The following CDH1 variants were observed in gnomAD, a reference collection of about 807,000 sequenced individuals.
CDH1 encodes the protein cadherin-1.
A neutral mutation model predicts 84.5 loss-of-function variants in CDH1; 35 were observed. The observed-to-expected ratio is 0.41, with a 90% confidence interval of 0.32 to 0.55. CDH1 has a LOEUF of 0.55. CDH1 is among the 20% of genes least tolerant of loss of function. CDH1 has a pLI of 0.19. For synonymous variants in CDH1, 417 were observed against 439.0 expected (o/e 0.95, Z 0.63); for missense variants, 994 against 1,126.6 (o/e 0.88, Z 1.68).
chr16:68,743,157 GT>G (rs1962610955), intron 2 of CDH1, among the ~76,000 whole-genome samples: 1 of 152,100 alleles, frequency 6.6e-6, no homozygotes, highest in Non-Finnish European at 1.5e-5. Flanking sequence ...CCTTGTGTCT[GT>G]TACACATTCC....
At chr16:68,762,560 G>C (rs918917346) in intron 2 of CDH1, among the ~76,000 whole-genome samples, 2 of 152,132 alleles carry the variant, frequency 1.3e-5, no homozygotes, top group African/African-American at 4.8e-5. Flanking sequence ...GAGGAAGCCA[G>C]ATTCCTAAAA....
chr16:68,743,335 C>CT (rs1385088769), intron 2 of CDH1, among the ~76,000 whole-genome samples: 7 of 25,666 alleles, frequency 2.7e-4, no homozygotes, highest in African/African-American at 2.8e-4. Flanking sequence ...TTCTTTCTTT[C>CT]TTTCTTTCTT....
intron 2 of CDH1, among the ~76,000 whole-genome samples, chr16:68,745,641 T>G (rs988263173): frequency 7.3e-5 from 4 of 54,824 alleles, no homozygotes; most frequent in African/African-American, 2.2e-4. Flanking sequence ...ATATATTTCA[T>G]GATGCACATG....
In CDH1 at chr16:68,808,835, T is replaced by C. The variant is rs786203207; in HGVS notation, c.674T>C (p.Ile225Thr). The change falls in exon 5 of 16, where the codon ATT (isoleucine) becomes ACT (threonine). Residue 225 changes from isoleucine (I) to threonine (T), a missense_variant. By Grantham distance (89) the Ile-to-Thr change is moderately conservative (BLOSUM62 -1). Coordinates refer to ENST00000261769, the MANE Select transcript of CDH1 (RefSeq NM_004360.5). ...KVTEPLDRER[I>T]ATYTLFSHAV... Reference sequence around the variant, plus strand: ...ACAGAGCCTCTGGATAGAGAACGCATTGCCACATACACTGTAAGTATCTCT... The same window carrying C: ...ACAGAGCCTCTGGATAGAGAACGCACTGCCACATACACTGTAAGTATCTCT... The C allele has an allele frequency of 6.2e-6, 10 of 1,614,018 alleles. No homozygotes were observed. Among genetic ancestry groups the C allele is most frequent in the Non-Finnish European group, 8.5e-6 (10 of 1,179,964 alleles).
intron 13 of CDH1, among the ~76,000 whole-genome samples, 171 bp downstream of exon 13, chr16:68,823,797 A>G (rs1405439403): frequency 6.6e-6 from 1 of 152,130 alleles, no homozygotes; most frequent in Non-Finnish European, 1.5e-5. Context: ...CTCTTACTGA[A>G]CATTTCAGAG....
chr16:68,755,223 G>T (rs1341808759), intron 2 of CDH1, among the ~76,000 whole-genome samples: 2 of 143,336 alleles, frequency 1.4e-5, no homozygotes, highest in African/African-American at 5.2e-5. Context: ...CTGCCTGGGA[G>T]GTTTAGCCAT....
chr16:68,802,065 C>T (rs906451552), intron 3 of CDH1, among the ~76,000 whole-genome samples, 172 bp downstream of exon 3: 9 of 152,236 alleles, frequency 5.9e-5, no homozygotes, highest in Non-Finnish European at 8.8e-5. Context: ...ACTGGTTAGA[C>T]ACCAGTAGCA....
intron 13 of CDH1, among the ~76,000 whole-genome samples, chr16:68,824,222 C>T (rs546735639): frequency 6.6e-6 from 1 of 152,024 alleles, no homozygotes; most frequent in Non-Finnish European, 1.5e-5. Context: ...GTCTCAGACT[C>T]CCGACCTCAG....
chr16:68,774,195 T>A (rs1414103362), intron 2 of CDH1, among the ~76,000 whole-genome samples: 1 of 152,178 alleles, frequency 6.6e-6, no homozygotes, highest in Non-Finnish European at 1.5e-5. Context: ...ATTACAGGCA[T>A]GAGCCACCGT....
Position 68,808,846 on chromosome 16 carries a change from A to G in CDH1, c.685A>G (p.Thr229Ala). The G allele has an allele frequency of 6.2e-7, 1 of 1,613,830 alleles. No individual in the cohort carries two copies. Among genetic ancestry groups the G allele is most frequent in the Non-Finnish European group, 8.5e-7 (1 of 1,179,882 alleles). ...GGATAGAGAACGCATTGCCACATACACTGTAAGTATCTCTTAGAAGCTTGT... is the reference window on the plus strand; with the variant it reads ...GGATAGAGAACGCATTGCCACATACGCTGTAAGTATCTCTTAGAAGCTTGT... Reference protein sequence around the residue: ...PLDRERIATYTLFSHAVSSNG... With the variant: ...PLDRERIATYALFSHAVSSNG... Residue 229 changes from threonine (T) to alanine (A), a missense_variant and splice_region_variant, in exon 5 of 16, where the codon ACT becomes GCT. Coordinates refer to ENST00000261769, the MANE Select transcript of CDH1 (RefSeq NM_004360.5).
chr16:68,813,250 C>T (rs1372167509), intron 8 of CDH1, 63 bp from the exon 9 acceptor site: 5 of 1,525,264 alleles, frequency 3.3e-6, no homozygotes, highest in Non-Finnish European at 4.5e-6. Context: ...CTTTAGCCCC[C>T]TGAGACTCAG....
At chr16:68,828,430 C>G in intron 14 of CDH1, 126 bp downstream of exon 14, 1 of 899,306 alleles carries the variant, frequency 1.1e-6, no homozygotes, top group Non-Finnish European at 1.8e-6. Flanking sequence ...AAGGCCTTAC[C>G]CAAGAAAGTA....
intron 2 of CDH1, among the ~76,000 whole-genome samples, chr16:68,771,372 G>A (rs979045457): frequency 6.6e-6 from 1 of 152,014 alleles, no homozygotes; most frequent in Non-Finnish European, 1.5e-5. Flanking sequence ...CTGTAGTCTC[G>A]AACTCCTAGT....
intron 2 of CDH1, among the ~76,000 whole-genome samples, chr16:68,762,926 A>AG (rs1959264646): frequency 6.7e-6 from 1 of 149,672 alleles, no homozygotes; most frequent in African/African-American, 2.5e-5. Flanking sequence ...AAAAAAAAAA[A>AG]AAAAAAAAAA....
chr16:68,804,107 T>G (rs1258313199), intron 3 of CDH1, among the ~76,000 whole-genome samples: 2 of 114,678 alleles, frequency 1.7e-5, no homozygotes, highest in East Asian at 5.0e-4. Context: ...TCTGCCTTTT[T>G]TTTTTTTTTT....
intron 3 of CDH1, among the ~76,000 whole-genome samples, chr16:68,804,301 G>C (rs1040887957): frequency 5.3e-5 from 8 of 151,806 alleles, no homozygotes; most frequent in Admixed American, 2.6e-4. Flanking sequence ...TTTTAGTAGA[G>C]ACGGGGTTTC....
intron 6 of CDH1, among the ~76,000 whole-genome samples, 179 bp from the exon 7 acceptor site, chr16:68,811,505 A>C (rs181936781): frequency 6.6e-6 from 1 of 151,684 alleles, no homozygotes; most frequent in Non-Finnish European, 1.5e-5. Context: ...ATAAGTTGAT[A>C]GTTTGAGCTT....
chr16:68,796,906 G>C (rs1326156443), intron 2 of CDH1, among the ~76,000 whole-genome samples: 1 of 151,812 alleles, frequency 6.6e-6, no homozygotes, highest in Non-Finnish European at 1.5e-5. Context: ...GGGAGGCTGA[G>C]GTTGGTGGAT....
chr16:68,828,339 T>C, intron 14 of CDH1, 35 bp downstream of exon 14: 5 of 1,611,176 alleles, frequency 3.1e-6, no homozygotes, highest in Non-Finnish European at 4.2e-6. Flanking sequence ...TCAGTGGTGA[T>C]CTCTTTATTC....
Sources: allele counts gnomAD v4.1 joint callset (sites outside exome capture counted in the v4.1 genomes callset), GRCh38; gene constraint gnomAD v4.1.1; transcripts MANE v1.5; gene names NCBI Gene and HGNC (gene_info 2026-07-23, HGNC 2026-07-21).